The following MED27 variants were observed in gnomAD, a reference collection of about 807,000 sequenced individuals.
The protein encoded by MED27 is mediator of RNA polymerase II transcription subunit 27.
In MED27, 30 loss-of-function variants were observed where a neutral mutation model predicts 38.2. The ratio of observed to expected loss-of-function variants is 0.79; its 90% confidence interval spans 0.59 to 1.07. MED27 has a LOEUF of 1.07. Ranked by LOEUF, MED27 falls within the 50% of genes least tolerant of loss-of-function variation. MED27 has a pLI of 0.00. For missense variants in MED27, 289 were observed against 397.5 expected (o/e 0.73, Z 2.32); for synonymous variants, 122 against 153.5 (o/e 0.79, Z 1.52).
intron 3 of MED27, among the ~76,000 whole-genome samples, chr9:131,991,450 C>T (rs942416976): frequency 6.6e-6 from 1 of 152,180 alleles, no homozygotes; most frequent in African/African-American, 2.4e-5. Flanking sequence ...CCACACCCTA[C>T]AAAGATGTGA....
chr9:131,877,892 A>G (rs1357158522), intron 6 of MED27, among the ~76,000 whole-genome samples: 1 of 152,180 alleles, frequency 6.6e-6, no homozygotes, highest in African/African-American at 2.4e-5. Context: ...GGCTGACTCA[A>G]TCTCTTTTAC....
At position 131,982,936 on chromosome 9, in the gene MED27, A is replaced by G. The variant is rs140719132; in HGVS notation, c.479+31401T>C. On this transcript the variant is annotated intron_variant, in intron 3 of 7. Coordinates refer to ENST00000292035, the MANE Select transcript of MED27 (RefSeq NM_004269.4). The surrounding 1 kb of genome is among the most constrained non-coding windows in gnomAD (Gnocchi z 4.3). The stretch of plus-strand genomic sequence containing the variant: ...CACTGCTCTAGTCAATGTTTTTCCA[A>G]CTGTAATGATATTCACCACCTGAGG... Among the ~76,000 whole-genome samples the G allele has an allele frequency of 5.7e-4, 87 of 152,288 alleles. 1 individual carries two copies. The East Asian group carries it at 7.3e-3, about 13-fold the overall frequency.
chr9:131,957,080 G>C (rs749006964), intron 3 of MED27, among the ~76,000 whole-genome samples: 1 of 152,184 alleles, frequency 6.6e-6, no homozygotes, highest in South Asian at 2.1e-4. Flanking sequence ...ATTCGCTGCC[G>C]GTAGGAGTAC....
At chr9:132,046,068 A>AT (rs1196344876) in intron 2 of MED27, among the ~76,000 whole-genome samples, 1 of 152,264 alleles carries the variant, frequency 6.6e-6, no homozygotes, top group African/African-American at 2.4e-5. Flanking sequence ...TGAGAGGTTT[A>AT]TGTTATTTTA....
intron 2 of MED27, among the ~76,000 whole-genome samples, chr9:132,017,265 T>C (rs1832624702): frequency 6.6e-6 from 1 of 152,204 alleles, no homozygotes; most frequent in Admixed American, 6.5e-5. Flanking sequence ...AAGAGGCTCC[T>C]GGAAAATGTT....
At chr9:131,940,152 G>A (rs145251114) in intron 3 of MED27, among the ~76,000 whole-genome samples, 47 of 151,416 alleles carry the variant, frequency 3.1e-4, no homozygotes, top group African/African-American at 8.0e-4. Flanking sequence ...TGATCTGCCC[G>A]CCTCGGCCTC....
intron 6 of MED27, among the ~76,000 whole-genome samples, chr9:131,882,730 T>A (rs1564267239): frequency 6.6e-6 from 1 of 152,178 alleles, no homozygotes; most frequent in Non-Finnish European, 1.5e-5. Flanking sequence ...CTGCCTCAGT[T>A]TCCCCTACAA....
chr9:131,882,890 G>A (rs1438638287), intron 6 of MED27, among the ~76,000 whole-genome samples: 1 of 151,896 alleles, frequency 6.6e-6, no homozygotes, highest in African/African-American at 2.4e-5. Context: ...CTGGCACAGA[G>A]CAAAGGGGCT....
chr9:132,055,653 C>T (rs898880853), intron 2 of MED27, among the ~76,000 whole-genome samples: 3 of 152,192 alleles, frequency 2.0e-5, no homozygotes, highest in Admixed American at 6.5e-5. Context: ...TAAGACAGAA[C>T]ATTAGGACAG....
At chr9:132,025,795 G>A (rs1279043717) in intron 2 of MED27, among the ~76,000 whole-genome samples, 1 of 152,198 alleles carries the variant, frequency 6.6e-6, no homozygotes, top group East Asian at 1.9e-4. Context: ...TCAGCAAAGT[G>A]GCTGGCACAA....
chr9:132,069,012 C>T (rs932061966), intron 2 of MED27, among the ~76,000 whole-genome samples: 1 of 152,226 alleles, frequency 6.6e-6, no homozygotes, highest in Non-Finnish European at 1.5e-5. Flanking sequence ...CTTCCCACCA[C>T]CAATGTGCAA....
intron 2 of MED27, among the ~76,000 whole-genome samples, chr9:132,068,283 G>A (rs1350704365): frequency 1.3e-5 from 2 of 152,118 alleles, no homozygotes; most frequent in Non-Finnish European, 2.9e-5. Context: ...AGGAAACTGA[G>A]GCTAGGTAAG....
At chr9:132,069,233 G>A (rs1039204703) in intron 2 of MED27, among the ~76,000 whole-genome samples, 2 of 152,208 alleles carry the variant, frequency 1.3e-5, no homozygotes, top group Non-Finnish European at 2.9e-5. Context: ...CAGACGGCAA[G>A]TTGACACACG....
intron 5 of MED27, among the ~76,000 whole-genome samples, chr9:131,892,607 G>A (rs1478754041): frequency 6.6e-6 from 1 of 152,158 alleles, no homozygotes; most frequent in African/African-American, 2.4e-5. Context: ...TGTACCAGGA[G>A]TGACTATGAA....
chr9:131,866,682 G>C (rs752581135), intron 6 of MED27, among the ~76,000 whole-genome samples: 21 of 152,240 alleles, frequency 1.4e-4, no homozygotes, highest in Admixed American at 9.2e-4. Flanking sequence ...GATAATGACA[G>C]AGTGCCTACC....
At chr9:132,047,104 G>T (rs1294763914) in intron 2 of MED27, among the ~76,000 whole-genome samples, 6 of 152,072 alleles carry the variant, frequency 3.9e-5, no homozygotes, top group African/African-American at 1.2e-4. Context: ...GTATGTAAAA[G>T]ACCATATATC....
intron 2 of MED27, among the ~76,000 whole-genome samples, chr9:132,024,605 C>T (rs565362895): frequency 1.1e-3 from 171 of 152,258 alleles, no homozygotes; most frequent in Non-Finnish European, 2.1e-3. Flanking sequence ...CCCACTAGGT[C>T]GTTCTAAATG....
intron 2 of MED27, among the ~76,000 whole-genome samples, chr9:132,026,602 T>C (rs1832824529): frequency 6.6e-6 from 1 of 152,132 alleles, no homozygotes; most frequent in Non-Finnish European, 1.5e-5. Context: ...GTGCTGAGAA[T>C]GGGATGGCCT....
At chr9:131,864,639 C>T (rs1168544771) in intron 6 of MED27, among the ~76,000 whole-genome samples, 2 of 152,364 alleles carry the variant, frequency 1.3e-5, no homozygotes, top group Non-Finnish European at 2.9e-5. Flanking sequence ...CCCATGCAGG[C>T]GCAGAGCAAG....
Sources: gnomAD v4.1 joint callset for allele counts (sites outside exome capture counted in the v4.1 genomes callset) on GRCh38, gnomAD v4.1.1 for gene constraint, Gnocchi (gnomAD v3.1) non-coding constraint, MANE v1.5 for transcripts, NCBI Gene and HGNC (gene_info 2026-07-23, HGNC 2026-07-21) for gene names.